CTDSPL: variants seen among roughly 807,000 people sequenced by gnomAD.
CTDSPL encodes CTD small phosphatase-like protein.
Under a neutral mutation model 30.5 loss-of-function variants are expected in CTDSPL, and 8 were observed. The ratio of observed to expected loss-of-function variants is 0.26; its 90% CI spans 0.15 to 0.47. The LOEUF (loss-of-function observed/expected upper bound fraction) is 0.47. Ranked by LOEUF, CTDSPL falls within the 20% of genes least tolerant of loss-of-function variation. The pLI is 0.99. For missense variants in CTDSPL, 248 were observed against 366.1 expected, an observed-to-expected ratio of 0.68 and a Z score of 2.63; for synonymous variants, 110 against 137.9, an observed-to-expected ratio of 0.80 and a Z score of 1.42.
At chr3:37,906,672 C>T (rs2125603768) in intron 1 of CTDSPL, among the ~76,000 whole-genome samples, 1 of 152,232 alleles carries the variant, frequency 6.6e-6, no homozygotes, top group East Asian at 1.9e-4. Context: ...CACTGATGCC[C>T]TGGTAGACAC....
intron 1 of CTDSPL, among the ~76,000 whole-genome samples, chr3:37,912,464 C>A (rs1388911911): frequency 1.3e-5 from 2 of 152,204 alleles, no homozygotes; most frequent in Admixed American, 6.5e-5. Context: ...GCAAGCCACC[C>A]AGGCACAAGA....
chr3:37,956,887 G>A (rs186791953), intron 2 of CTDSPL, among the ~76,000 whole-genome samples: 7 of 152,270 alleles, frequency 4.6e-5, no homozygotes, highest in Admixed American at 2.0e-4. Flanking sequence ...TGAGTCTCAG[G>A]AGCCCAGCCT....
chr3:37,964,446 A>G (rs770719007), intron 3 of CTDSPL, 125 bp from the exon 4 acceptor site: 1 of 600,070 alleles, frequency 1.7e-6, no homozygotes, highest in South Asian at 2.3e-5. Flanking sequence ...ACTTATTCCT[A>G]TTGTTCTTAA....
intron 1 of CTDSPL, among the ~76,000 whole-genome samples, chr3:37,886,897 CCCTGGATGAT>C (rs2125594657): frequency 6.6e-6 from 1 of 152,312 alleles, no homozygotes; most frequent in East Asian, 1.9e-4. Flanking sequence ...AAGAAAACCT[CCCTGGATGAT>C]CCTGACACAG....
intron 1 of CTDSPL, among the ~76,000 whole-genome samples, chr3:37,907,624 T>C (rs1466094208): frequency 1.3e-5 from 2 of 152,162 alleles, no homozygotes; most frequent in Non-Finnish European, 2.9e-5. Context: ...CCACAGTGTA[T>C]TTATCACACA....
At position 37,983,427 on chromosome 3, in the gene CTDSPL, T is replaced by A. The variant is rs1188225125; in HGVS notation, c.*2560T>A. On this transcript the variant is annotated 3_prime_UTR_variant, in exon 8 of 8. Coordinates refer to ENST00000273179, the MANE Select transcript of CTDSPL (RefSeq NM_001008392.2). Reference sequence around the variant, plus strand: ...TTAAGGTAAATACGGGTATTGTTTTTAATTATTACCATGTATTAAATTGTG... The same window carrying A: ...TTAAGGTAAATACGGGTATTGTTTTAAATTATTACCATGTATTAAATTGTG... 1 of 152,662 alleles carries A rather than the reference T, an allele frequency of 6.6e-6. No homozygotes were observed. Among genetic ancestry groups the A allele is most frequent in the African/African-American group, 2.4e-5 (1 of 41,456 alleles). 9.5% of individuals were successfully genotyped at this position (152,662 alleles called of 1,614,324 possible).
intron 1 of CTDSPL, among the ~76,000 whole-genome samples, chr3:37,883,993 A>G (rs1575281056): frequency 6.6e-6 from 1 of 152,220 alleles, no homozygotes; most frequent in African/African-American, 2.4e-5. Context: ...AGGGTCCTTA[A>G]GGGTTTAGGG....
chr3:37,872,418 A>G (rs1203011168), intron 1 of CTDSPL, among the ~76,000 whole-genome samples: 1 of 149,880 alleles, frequency 6.7e-6, no homozygotes, highest in African/African-American at 2.5e-5. Context: ...ATGTTATGAG[A>G]CTCTGGGTCT....
intron 3 of CTDSPL, among the ~76,000 whole-genome samples, chr3:37,958,208 A>G (rs187230498): frequency 1.2e-3 from 177 of 152,328 alleles, no homozygotes; most frequent in Non-Finnish European, 2.1e-3. Context: ...AAAAGTTTAC[A>G]GTAATTTCAT....
intron 1 of CTDSPL, among the ~76,000 whole-genome samples, chr3:37,924,093 G>A (rs1207685803): frequency 1.3e-5 from 2 of 152,208 alleles, no homozygotes; most frequent in African/African-American, 2.4e-5. Context: ...CAGGCCTCTT[G>A]CCGTATGGCA....
Position 37,980,691 on chromosome 3 carries a change from C to T in CTDSPL, c.706-51C>T, listed in dbSNP as rs533066319. 6 of 1,599,418 alleles carry T rather than the reference C, an allele frequency of 3.8e-6. No individual in the cohort carries two copies. The African/African-American group carries it at 8.0e-5, about 21-fold the overall frequency. On this transcript the variant is annotated intron_variant, in intron 7 of 7. Transcript: ENST00000273179. ...GGGTACCCGGTTAGGTTAGGAGCAG[C>T]CCCCAGCGCTAGATGCAGTCCTGCT... is the stretch of plus-strand genomic sequence containing the variant.
At chr3:37,905,662 T>C (rs1248027355) in intron 1 of CTDSPL, among the ~76,000 whole-genome samples, 2 of 152,222 alleles carry the variant, frequency 1.3e-5, no homozygotes, top group Non-Finnish European at 2.9e-5. Context: ...TACTTGTGTT[T>C]GCATACCTAT....
chr3:37,910,482 AG>A (rs1698570343), intron 1 of CTDSPL, among the ~76,000 whole-genome samples: 1 of 152,182 alleles, frequency 6.6e-6, no homozygotes, highest in Admixed American at 6.5e-5. Context: ...ACTCTATCTC[AG>A]AACAACAACA....
rs1699418419 is a variant in CTDSPL, at chr3:37,975,765, C to T, written c.576C>T (p.Leu192=). The part of the protein sequence containing the change: ...LDRWGVFRAR[L]FRESCVFHRG... ...GCTGGGGTGTGTTCCGGGCCCGGCT[C>T]TTCAGAGAATCATGTGTTTTTCATC... The change falls in exon 7 of 8, where the codon CTC becomes CTT. Residue 192 remains leucine, a synonymous_variant. Coordinates refer to ENST00000273179, the MANE Select transcript of CTDSPL (RefSeq NM_001008392.2). The surrounding 1 kb of genome is among the most constrained non-coding windows in gnomAD (Gnocchi z 4.9). 1 of 1,614,128 alleles carries T rather than the reference C, an allele frequency of 6.2e-7. No homozygotes were observed. The highest frequency in any genetic ancestry group is 1.3e-5 in the African/African-American group (1 of 75,014).
At chr3:37,905,038 T>C (rs573919027) in intron 1 of CTDSPL, among the ~76,000 whole-genome samples, 5 of 152,344 alleles carry the variant, frequency 3.3e-5, no homozygotes, top group African/African-American at 1.2e-4. Context: ...CTCCGAGTCT[T>C]GTTACACTTT....
rs192665920 is a variant in CTDSPL, at chr3:37,951,064, A to G, written c.234+3853A>G. Among the ~76,000 whole-genome samples, 69 of 152,334 alleles carry G rather than the reference A, an allele frequency of 4.5e-4. 1 individual carries two copies. The highest frequency in any genetic ancestry group is 1.6e-3 in the African/African-American group (65 of 41,562). ...GAGATTGATATTCAGTTATGATACA[A>G]TTATTAAAAATGTTAGAAATGGGCT... is the stretch of plus-strand genomic sequence containing the variant. On this transcript the variant is annotated intron_variant, in intron 2 of 7. Transcript: ENST00000273179.
intron 1 of CTDSPL, among the ~76,000 whole-genome samples, chr3:37,909,568 G>A (rs1177571265): frequency 1.3e-5 from 2 of 152,238 alleles, no homozygotes; most frequent in Non-Finnish European, 2.9e-5. Flanking sequence ...CAGTGGAGCT[G>A]TTGTTCTGGC....
Position 37,983,674 on chromosome 3 carries a change from G to A in CTDSPL, c.*2807G>A, listed in dbSNP as rs879031997. ...TTTGTGGACTGCAGCCCACTATGATGTTATTACTTCTCTGGCCAGGCCTCC... is the reference window on the plus strand; with the variant it reads ...TTTGTGGACTGCAGCCCACTATGATATTATTACTTCTCTGGCCAGGCCTCC... On this transcript the variant is annotated 3_prime_UTR_variant, in exon 8 of 8. Transcript: ENST00000273179. 2 of 153,944 alleles carry A rather than the reference G, an allele frequency of 1.3e-5. No homozygotes were observed. Among genetic ancestry groups the A allele is most frequent in the South Asian group, 2.0e-4 (1 of 4,948 alleles). The allele number at this position is 153,944 out of a possible 1,614,324, so 9.5% of individuals were successfully genotyped here.
At chr3:37,954,990 G>A (rs1388174916) in intron 2 of CTDSPL, 1 of 152,132 alleles carries the variant, frequency 6.6e-6, no homozygotes, top group Non-Finnish European at 1.5e-5. Context: ...CATTTTTTCA[G>A]GCCCTTCAGC....
Sources: allele counts gnomAD v4.1 joint callset (sites outside exome capture counted in the v4.1 genomes callset), GRCh38; gene constraint gnomAD v4.1.1; non-coding constraint Gnocchi (gnomAD v3.1); transcripts MANE v1.5; gene names NCBI Gene and HGNC (gene_info 2026-07-23, HGNC 2026-07-21).